Variants in FBXW11 observed in about 807,000 individuals in gnomAD.
FBXW11 encodes the protein F-box and WD repeat domain containing 11.
A neutral mutation model predicts 77.6 loss-of-function variants in FBXW11; 19 were observed. The observed-to-expected ratio is 0.24, with a 90% CI of 0.17 to 0.36. The LOEUF (loss-of-function observed/expected upper bound fraction) is 0.36, where lower values mean the gene tolerates loss of function less well. Among genes scored for constraint, FBXW11 ranks in the 10% least tolerant of loss-of-function variants. The pLI, the probability that FBXW11 is intolerant of heterozygous loss-of-function variation, is 1.00. For missense variants in FBXW11, 334 were observed against 704.2 expected (o/e 0.47, Z 5.95); for synonymous variants, 235 against 249.4 (o/e 0.94, Z 0.54).
chr5:171,915,615 G>A (rs964185942), intron 2 of FBXW11, among the ~76,000 whole-genome samples: 2 of 134,582 alleles, frequency 1.5e-5, no homozygotes, highest in African/African-American at 7.2e-5. Context: ...CACTCATTCT[G>A]TGTGTGTGTG....
chr5:171,934,421 G>A lies in FBXW11; in HGVS notation c.148-20016C>T, dbSNP rs113590220. Among the ~76,000 whole-genome samples, 776 of 152,208 alleles carry A rather than the reference G, an allele frequency of 5.1e-3. 4 individuals are homozygous for A. Among genetic ancestry groups the A allele is most frequent in the African/African-American group, 0.018 (739 of 41,530 alleles). The stretch of plus-strand genomic sequence containing the variant: ...GGTTGGGCACATTGCCTCATGCCTT[G>A]TAATCCCAGCACTTTGGGGGCCGAG... On this transcript the variant is annotated intron_variant, in intron 2 of 13. Transcript: ENST00000517395.
intron 3 of FBXW11, among the ~76,000 whole-genome samples, chr5:171,913,360 A>C (rs556075545): frequency 9.8e-5 from 15 of 152,326 alleles, no homozygotes; most frequent in African/African-American, 3.6e-4. Flanking sequence ...TGAAAGAAAA[A>C]CTGAAAGCTA....
At chr5:171,909,575 G>A (rs1760753313) in intron 4 of FBXW11, among the ~76,000 whole-genome samples, 1 of 152,190 alleles carries the variant, frequency 6.6e-6, no homozygotes, top group Non-Finnish European at 1.5e-5. Context: ...GAGGGAACGG[G>A]TTATGTGAAT....
chr5:171,974,826 A>G (rs752507402), intron 1 of FBXW11, among the ~76,000 whole-genome samples: 2 of 151,792 alleles, frequency 1.3e-5, no homozygotes, highest in Non-Finnish European at 2.9e-5. Context: ...GAGAATTTCG[A>G]TCTTGTTGCC....
chr5:171,907,291 T>C (rs2113914557), intron 4 of FBXW11, among the ~76,000 whole-genome samples: 1 of 152,344 alleles, frequency 6.6e-6, no homozygotes, highest in South Asian at 2.1e-4. Context: ...ACAGAATTAA[T>C]GGTTTTCACA....
chr5:171,932,630 G>T (rs1001794638), intron 2 of FBXW11, among the ~76,000 whole-genome samples: 1 of 152,124 alleles, frequency 6.6e-6, no homozygotes, highest in African/African-American at 2.4e-5. Flanking sequence ...CACTTTGGAA[G>T]ACAATTTGGC....
intron 2 of FBXW11, among the ~76,000 whole-genome samples, chr5:171,917,225 T>G (rs886388220): frequency 6.6e-6 from 1 of 152,218 alleles, no homozygotes; most frequent in Non-Finnish European, 1.5e-5. Context: ...AGCCAAGAGA[T>G]GTATATATGT....
intron 4 of FBXW11, among the ~76,000 whole-genome samples, chr5:171,907,158 T>C (rs978452905): frequency 1.3e-5 from 2 of 152,218 alleles, no homozygotes; most frequent in African/African-American, 2.4e-5. Flanking sequence ...GAAAGGCATA[T>C]CATAATTATC....
chr5:171,944,493 T>A (rs12652034), intron 2 of FBXW11, among the ~76,000 whole-genome samples: 118,215 of 148,452 alleles, frequency 0.8, 50,342 homozygotes, highest in East Asian at 0.97. Flanking sequence ...GAGAATGGCG[T>A]GAACCCCGGC....
At chr5:172,003,817 G>C (rs1753675893) in intron 1 of FBXW11, among the ~76,000 whole-genome samples, 1 of 152,184 alleles carries the variant, frequency 6.6e-6, no homozygotes, top group Non-Finnish European at 1.5e-5. Flanking sequence ...ATTAAGGAAA[G>C]TACAGGGATG....
chr5:171,967,355 T>C (rs932540781), intron 1 of FBXW11, among the ~76,000 whole-genome samples: 2 of 152,336 alleles, frequency 1.3e-5, no homozygotes, highest in Non-Finnish European at 1.5e-5. Flanking sequence ...GATTAGGGAT[T>C]ACCCATAAGA....
At chr5:171,885,380 C>T (rs1290582152) in intron 7 of FBXW11, among the ~76,000 whole-genome samples, 1 of 152,152 alleles carries the variant, frequency 6.6e-6, no homozygotes, top group Non-Finnish European at 1.5e-5. Flanking sequence ...CACACTGAGC[C>T]TCCAGCAATT....
intron 4 of FBXW11, among the ~76,000 whole-genome samples, chr5:171,903,820 T>TA (rs201887267): frequency 0.018 from 2,688 of 151,748 alleles, 77 homozygotes; most frequent in African/African-American, 0.063. Context: ...TAATTTTTTT[T>TA]AAAAAAAATT....
intron 2 of FBXW11, among the ~76,000 whole-genome samples, chr5:171,926,516 G>A (rs1191412667): frequency 6.6e-6 from 1 of 152,122 alleles, no homozygotes; most frequent in African/African-American, 2.4e-5. Context: ...TGGTGCTGTC[G>A]TGGCATGAGT....
chr5:171,890,766 A>C (rs1759294506), intron 7 of FBXW11, among the ~76,000 whole-genome samples: 1 of 152,210 alleles, frequency 6.6e-6, no homozygotes. Context: ...AAAGAGGCAG[A>C]AAAGCCCAGG....
chr5:171,998,113 T>A (rs1364911318), intron 1 of FBXW11, among the ~76,000 whole-genome samples: 1 of 152,150 alleles, frequency 6.6e-6, no homozygotes, highest in East Asian at 1.9e-4. Context: ...AGAAAGCCCA[T>A]GATTTCTGAG....
At chr5:171,946,065 TAGGTAAGCCTCATCC>T (rs894100216) in intron 2 of FBXW11, among the ~76,000 whole-genome samples, 1 of 152,218 alleles carries the variant, frequency 6.6e-6, no homozygotes, top group African/African-American at 2.4e-5. Context: ...CACCATAATG[TAGGTAAGCCTCATCC>T]AGTCAATTGA....
At chr5:171,921,928 A>T (rs539821990) in intron 2 of FBXW11, among the ~76,000 whole-genome samples, 3 of 152,190 alleles carry the variant, frequency 2.0e-5, no homozygotes, top group Admixed American at 2.0e-4. Flanking sequence ...TTTCAGAGAC[A>T]GGGTCTTGCT....
chr5:171,976,018 C>A (rs1450196948), intron 1 of FBXW11, among the ~76,000 whole-genome samples: 1 of 151,936 alleles, frequency 6.6e-6, no homozygotes, highest in Non-Finnish European at 1.5e-5. Context: ...CAGGAATAAT[C>A]AACCTATTAA....
Sources: allele counts gnomAD v4.1 joint callset (sites outside exome capture counted in the v4.1 genomes callset), GRCh38; gene constraint gnomAD v4.1.1; transcripts MANE v1.5; gene names NCBI Gene and HGNC (gene_info 2026-07-23, HGNC 2026-07-21).